EPHA3: variants seen among roughly 807,000 people sequenced by gnomAD.
The protein encoded by EPHA3 is EPH receptor A3, also known as ephrin type-A receptor 3.
Under a neutral mutation model 107.1 loss-of-function variants are expected in EPHA3, and 42 were observed. The observed-to-expected ratio is 0.39, with a 90% CI of 0.31 to 0.51. The LOEUF (loss-of-function observed/expected upper bound fraction) is 0.51, where lower values mean the gene tolerates loss of function less well. Among genes scored for constraint, EPHA3 ranks in the 20% least tolerant of loss-of-function variants. EPHA3 has a pLI of 0.78. For missense variants in EPHA3, 1,183 were observed against 1,211.2 expected (o/e 0.98, Z 0.35); for synonymous variants, 461 against 424.8 (o/e 1.09, Z -1.05).
chr3:89,479,426 T>C lies in EPHA3; in HGVS notation c.2876T>C (p.Val959Ala), dbSNP rs1710583064. The change falls in exon 17 of 17, where the codon GTT becomes GCT. Residue 959 changes from valine to alanine, a missense_variant. Coordinates refer to ENST00000336596, the MANE Select transcript of EPHA3 (RefSeq NM_005233.6). ...DDMKKVGVTV[V>A]GPQKKIISSI... is the part of the protein sequence containing the mutation. ...ATGAAAAAGGTTGGTGTCACCGTGG[T>C]TGGGCCACAGAAGAAGATCATCAGT... 2 of 1,614,076 alleles carry C rather than the reference T, an allele frequency of 1.2e-6. No homozygotes were observed. Among genetic ancestry groups the C allele is most frequent in the South Asian group, 2.2e-5 (2 of 91,092 alleles).
intron 9 of EPHA3, among the ~76,000 whole-genome samples, chr3:89,410,137 C>T (rs1471183160): frequency 1.3e-5 from 2 of 151,912 alleles, no homozygotes; most frequent in African/African-American, 2.4e-5. Flanking sequence ...AGCGAACAGA[C>T]CATTTTACTT....
chr3:89,134,682 C>T lies in EPHA3; in HGVS notation c.153+7409C>T, dbSNP rs183798766. On this transcript the variant is annotated intron_variant, in intron 2 of 16. Coordinates refer to ENST00000336596, the MANE Select transcript of EPHA3 (RefSeq NM_005233.6). ...GAATAGTGCCGCAGCTTTCAATGGC[C>T]GGTCACTATGCTCCTCATCTTCAAG... 5.3e-4 allele frequency among the ~76,000 whole-genome samples: 80 copies of T among 152,168 alleles called. No individual in the cohort carries two copies. The Middle Eastern group carries it at 0.014, about 26-fold the overall frequency.
intron 3 of EPHA3, among the ~76,000 whole-genome samples, chr3:89,302,577 G>T (rs1706516878): frequency 6.6e-6 from 1 of 152,044 alleles, no homozygotes; most frequent in African/African-American, 2.4e-5. Context: ...TGTGAATGAA[G>T]AATACCATAT....
chr3:89,118,307 A>G (rs1207571740), intron 1 of EPHA3, among the ~76,000 whole-genome samples: 3 of 151,862 alleles, frequency 2.0e-5, no homozygotes, highest in Non-Finnish European at 4.4e-5. Flanking sequence ...TTTTTTCTAT[A>G]TTTTCAGATA....
At chr3:89,125,048 T>G (rs1181627888) in intron 1 of EPHA3, among the ~76,000 whole-genome samples, 1 of 151,954 alleles carries the variant, frequency 6.6e-6, no homozygotes, top group African/African-American at 2.4e-5. Context: ...TTCCAATAAG[T>G]AATTTACTAA....
chr3:89,250,140 G>T (rs115781364), intron 3 of EPHA3, among the ~76,000 whole-genome samples: 38 of 152,204 alleles, frequency 2.5e-4, no homozygotes, highest in Non-Finnish European at 4.0e-4. Flanking sequence ...GAATAAGGAC[G>T]GTCACTTTTG....
chr3:89,459,526 GTTCC>G (rs1275759260), intron 15 of EPHA3, among the ~76,000 whole-genome samples: 1 of 98,886 alleles, frequency 1.0e-5, no homozygotes, highest in African/African-American at 4.3e-5. Context: ...TCCTTCCTTC[GTTCC>G]TTCCTTTCTT....
intron 3 of EPHA3, among the ~76,000 whole-genome samples, chr3:89,231,698 A>C (rs1220713771): frequency 6.6e-6 from 1 of 152,162 alleles, no homozygotes; most frequent in Non-Finnish European, 1.5e-5. Flanking sequence ...GGGAAAAAAT[A>C]ATATCCTTTC....
chr3:89,385,291 C>G (rs2107490628), intron 5 of EPHA3, among the ~76,000 whole-genome samples: 1 of 152,262 alleles, frequency 6.6e-6, no homozygotes, highest in Admixed American at 6.5e-5. Context: ...TGGTTTGACT[C>G]TGTGTCCCAC....
At chr3:89,251,631 T>C (rs1312833231) in intron 3 of EPHA3, among the ~76,000 whole-genome samples, 3 of 152,110 alleles carry the variant, frequency 2.0e-5, no homozygotes, top group African/African-American at 7.2e-5. Flanking sequence ...CTCTTTCAAC[T>C]ATCATATGAT....
chr3:89,274,181 A>AT (rs75781626), intron 3 of EPHA3, among the ~76,000 whole-genome samples: 35,951 of 151,772 alleles, frequency 0.24, 4,753 homozygotes, highest in African/African-American at 0.38. Context: ...TCCCCAAGTA[A>AT]AAGATCAACT....
At chr3:89,186,616 T>C (rs1705574453) in intron 2 of EPHA3, among the ~76,000 whole-genome samples, 1 of 152,144 alleles carries the variant, frequency 6.6e-6, no homozygotes, top group Non-Finnish European at 1.5e-5. Flanking sequence ...ATTAAACAGC[T>C]GGCAGAATTC....
chr3:89,419,594 C>G (rs1709317134), intron 11 of EPHA3, among the ~76,000 whole-genome samples: 1 of 151,012 alleles, frequency 6.6e-6, no homozygotes, highest in African/African-American at 2.4e-5. Flanking sequence ...TTTTAGACCT[C>G]AAAAAATTTT....
In EPHA3 at chr3:89,369,566, T is replaced by A. The variant is rs1285862247; in HGVS notation, c.1307-26271T>A. Among the ~76,000 whole-genome samples the A allele has an allele frequency of 1.3e-5, 2 of 149,884 alleles. 1 individual carries two copies. The highest frequency in any genetic ancestry group is 3.0e-5 in the Non-Finnish European group (2 of 67,328). On this transcript the variant is annotated intron_variant, in intron 5 of 16. Coordinates refer to ENST00000336596, the MANE Select transcript of EPHA3 (RefSeq NM_005233.6). Reference sequence around the variant, plus strand: ...ACCATAAAAACCCTAGAAGAAAACCTAGGCATTACCATTCAGGACATAGGC... The same window carrying A: ...ACCATAAAAACCCTAGAAGAAAACCAAGGCATTACCATTCAGGACATAGGC...
intron 3 of EPHA3, among the ~76,000 whole-genome samples, chr3:89,316,137 CTG>C (rs888841882): frequency 3.8e-4 from 58 of 151,932 alleles, no homozygotes; most frequent in African/African-American, 1.4e-3. Context: ...TTCATCAGTG[CTG>C]TTTCAAATAC....
intron 15 of EPHA3, among the ~76,000 whole-genome samples, chr3:89,459,739 T>C: frequency 6.6e-6 from 1 of 152,126 alleles, no homozygotes; most frequent in East Asian, 1.9e-4. Context: ...ACCAGGCTGG[T>C]CTCGAACTCC....
intron 5 of EPHA3, among the ~76,000 whole-genome samples, chr3:89,381,214 C>G (rs1263137870): frequency 6.6e-6 from 1 of 151,972 alleles, no homozygotes; most frequent in East Asian, 2.0e-4. Flanking sequence ...CCTCGTGATC[C>G]GCCTGCCTCG....
At position 89,363,359 on chromosome 3, in the gene EPHA3, A is replaced by T. The variant is rs113571726; in HGVS notation, c.1306+21269A>T. Among the ~76,000 whole-genome samples, 679 of 150,822 alleles carry T rather than the reference A, an allele frequency of 4.5e-3. 16 individuals carry two copies. Among genetic ancestry groups the T allele is most frequent in the African/African-American group, 0.012 (515 of 41,410 alleles). ...ATTGTGGAGGCTGCCAAATCCACAG[A>T]CTGCAGGGTAAGCTGATAGGCTGGA... is the stretch of plus-strand genomic sequence containing the variant. On this transcript the variant is annotated intron_variant, in intron 5 of 16. Coordinates refer to ENST00000336596, the MANE Select transcript of EPHA3 (RefSeq NM_005233.6).
intron 16 of EPHA3, among the ~76,000 whole-genome samples, chr3:89,478,162 C>T (rs1410560546): frequency 6.6e-6 from 1 of 151,984 alleles, no homozygotes; most frequent in African/African-American, 2.4e-5. Context: ...AAATGAAATT[C>T]CTTATGTTTT....
Sources: gnomAD v4.1 joint callset for allele counts (sites outside exome capture counted in the v4.1 genomes callset) on GRCh38, gnomAD v4.1.1 for gene constraint, MANE v1.5 for transcripts, NCBI Gene and HGNC (gene_info 2026-07-23, HGNC 2026-07-21) for gene names.